The following NSL1 variants were observed in gnomAD, a reference collection of about 807,000 sequenced individuals.
The protein encoded by NSL1 is kinetochore-associated protein NSL1 homolog.
In NSL1, 11 loss-of-function variants were observed where a neutral mutation model predicts 25.4. The ratio of observed to expected loss-of-function variants is 0.43; its 90% CI spans 0.27 to 0.72. NSL1 has a LOEUF of 0.72. Ranked by LOEUF, NSL1 falls within the 30% of genes least tolerant of loss-of-function variation. The probability of loss-of-function intolerance (pLI) is 0.19; values close to 1 mark genes in which losing one functional copy is unlikely to be tolerated. For synonymous variants in NSL1, 118 were observed against 120.6 expected (o/e 0.98, Z 0.14); for missense variants, 330 against 342.7 (o/e 0.96, Z 0.29).
chr1:212,732,600 GTC>G lies in NSL1; in HGVS notation c.*5806_*5807del. 1.0e-6 allele frequency: 1 copy of G among 985,078 alleles called. No homozygotes were observed. Among genetic ancestry groups the G allele is most frequent in the East Asian group, 1.1e-4 (1 of 8,806 alleles). 61.0% of individuals were successfully genotyped at this position (985,078 alleles called of 1,614,324 possible). On this transcript the variant is annotated 3_prime_UTR_variant, in exon 6 of 6. Transcript: ENST00000366977. ...TGAGCCACCGCACCCGGCCTACATA[GTC>G]TTATTCCAACCTGGTCTGCCTAGTC...
At chr1:212,744,638 G>A (rs12125867) in intron 4 of NSL1, among the ~76,000 whole-genome samples, 34,530 of 151,938 alleles carry the variant, frequency 0.23, 4,648 homozygotes, top group African/African-American at 0.38. Flanking sequence ...GTGTGTCACC[G>A]AACAGAGAAT....
intron 4 of NSL1, among the ~76,000 whole-genome samples, chr1:212,769,804 A>C (rs930866123): frequency 1.3e-5 from 2 of 152,222 alleles, no homozygotes; most frequent in African/African-American, 4.8e-5. Context: ...TATATAAAAC[A>C]ACCAGAACTC....
Position 212,730,999 on chromosome 1 carries a change from G to A in NSL1, c.*7409C>T, listed in dbSNP as rs1657990100. ...CCATGGGCAAAGTATGAGCAATGTA[G>A]AGACACAGCAACGAATTACAAGGGA... is the stretch of plus-strand genomic sequence containing the variant. On this transcript the variant is annotated 3_prime_UTR_variant, in exon 6 of 6. Transcript: ENST00000366977. 12 of 985,286 alleles carry A rather than the reference G, an allele frequency of 1.2e-5. No individual in the cohort carries two copies. In the South Asian group the frequency reaches 4.2e-4, roughly 35 times the overall value. 61.0% of individuals were successfully genotyped at this position (985,286 alleles called of 1,614,324 possible). A position where few individuals can be genotyped will look rare whatever the true frequency, so the allele number is the denominator to read the frequency against.
At chr1:212,785,113 G>A (rs1660889443) in intron 2 of NSL1, among the ~76,000 whole-genome samples, 1 of 152,160 alleles carries the variant, frequency 6.6e-6, no homozygotes, top group Non-Finnish European at 1.5e-5. Context: ...GGGATGCTAA[G>A]AAGTTTTGAC....
chr1:212,737,176 C>T lies in NSL1; in HGVS notation c.*1232G>A. 2.0e-6 allele frequency: 2 copies of T among 985,306 alleles called. No individual in the cohort carries two copies. The highest frequency in any genetic ancestry group is 2.4e-6 in the Non-Finnish European group (2 of 829,808). 61.0% of individuals were successfully genotyped at this position (985,306 alleles called of 1,614,324 possible). On this transcript the variant is annotated 3_prime_UTR_variant, in exon 6 of 6. Coordinates refer to ENST00000366977, the MANE Select transcript of NSL1 (RefSeq NM_015471.4). ...CACAGCATCAAGATCAGTCTTTGTACATTATTTCAATGAAAAACACATAGC... is the reference window on the plus strand; with the variant it reads ...CACAGCATCAAGATCAGTCTTTGTATATTATTTCAATGAAAAACACATAGC...
rs947495035 is a variant in NSL1, at chr1:212,729,325, C to T, written c.*9083G>A. Reference sequence around the variant, plus strand: ...TGCTACTGATGGCTCCCCTAACTGACGGCAAATTGCTTGTGGGCAGGGTCT... The same window carrying T: ...TGCTACTGATGGCTCCCCTAACTGATGGCAAATTGCTTGTGGGCAGGGTCT... On this transcript the variant is annotated 3_prime_UTR_variant, in exon 6 of 6. Coordinates refer to ENST00000366977, the MANE Select transcript of NSL1 (RefSeq NM_015471.4). The T allele has an allele frequency of 5.5e-5, 54 of 983,638 alleles. No homozygotes were observed. The highest frequency in any genetic ancestry group is 1.2e-4 in the Admixed American group (2 of 16,258). 60.9% of individuals were successfully genotyped at this position (983,638 alleles called of 1,614,324 possible). A position where few individuals can be genotyped will look rare whatever the true frequency, so the allele number is the denominator to read the frequency against.
chr1:212,734,115 A>G lies in NSL1; in HGVS notation c.*4293T>C, dbSNP rs1264581647. Reference sequence around the variant, plus strand: ...CTGAACATTATTTAATAGCATTCCGATTTTCCAAAAAATGTATGATTTTCT... The same window carrying G: ...CTGAACATTATTTAATAGCATTCCGGTTTTCCAAAAAATGTATGATTTTCT... On this transcript the variant is annotated 3_prime_UTR_variant, in exon 6 of 6. Transcript: ENST00000366977. Among the ~76,000 whole-genome samples the G allele has an allele frequency of 6.6e-6, 1 of 152,084 alleles. No individual in the cohort carries two copies. The highest frequency in any genetic ancestry group is 6.5e-5 in the Admixed American group (1 of 15,276).
chr1:212,787,610 T>C lies in NSL1; in HGVS notation c.262A>G (p.Ile88Val). 6.2e-7 allele frequency: 1 copy of C among 1,607,512 alleles called. No homozygotes were observed. ...TGCCATGCTTGCCCATTAATGCTGATATTCTCTTGCACAGCTGATTCAAAA... is the reference window on the plus strand; with the variant it reads ...TGCCATGCTTGCCCATTAATGCTGACATTCTCTTGCACAGCTGATTCAAAA... ...WTFESAVQEN[I>V]SINGQAWQEA... Residue 88 changes from isoleucine to valine, a missense_variant, in exon 2 of 6, where the codon ATC becomes GTC. Transcript: ENST00000366977.
Position 212,726,756 on chromosome 1 carries a change from C to G in NSL1, c.*11652G>C, listed in dbSNP as rs546199589. 1 of 185,270 alleles carries G rather than the reference C, an allele frequency of 5.4e-6. No individual in the cohort carries two copies. Among genetic ancestry groups the G allele is most frequent in the African/African-American group, 2.3e-5 (1 of 42,814 alleles). 11.5% of individuals were successfully genotyped at this position (185,270 alleles called of 1,614,324 possible). On this transcript the variant is annotated 3_prime_UTR_variant, in exon 6 of 6. Transcript: ENST00000366977. ...CCTCAAATGCAGAGTGATTGGGTCA[C>G]TCTCCATGGTGTCCATGAGAGGCTG...
intron 3 of NSL1, 39 bp from the exon 4 acceptor site, chr1:212,782,465 A>T (rs764481426): frequency 7.5e-7 from 1 of 1,340,512 alleles, no homozygotes; most frequent in African/African-American, 1.4e-5. Flanking sequence ...TAATCACTTA[A>T]TGCTTCATAT....
chr1:212,727,968 C>T lies in NSL1; in HGVS notation c.*10440G>A, dbSNP rs1056693438. On this transcript the variant is annotated 3_prime_UTR_variant, in exon 6 of 6. Coordinates refer to ENST00000366977, the MANE Select transcript of NSL1 (RefSeq NM_015471.4). ...AGAGCGTCTGAGACTCTGGACAAGG[C>T]CTTTGCTGTGAACCACGGGGAGAAG... 1 of 985,266 alleles carries T rather than the reference C, an allele frequency of 1.0e-6. No homozygotes were observed. The highest frequency in any genetic ancestry group is 1.7e-5 in the African/African-American group (1 of 57,224). 61.0% of individuals were successfully genotyped at this position (985,266 alleles called of 1,614,324 possible).
intron 4 of NSL1, among the ~76,000 whole-genome samples, chr1:212,773,972 C>T (rs1660239012): frequency 1.3e-5 from 2 of 151,640 alleles, no homozygotes; most frequent in African/African-American, 4.8e-5. Context: ...TGTTCTCACT[C>T]ACATGTGAGA....
At chr1:212,753,551 C>T (rs1659163791) in intron 4 of NSL1, among the ~76,000 whole-genome samples, 1 of 152,130 alleles carries the variant, frequency 6.6e-6, no homozygotes, top group Non-Finnish European at 1.5e-5. Flanking sequence ...TCTTCTCCCA[C>T]TAAAATATAA....
chr1:212,731,846 C>T lies in NSL1; in HGVS notation c.*6562G>A. Reference sequence around the variant, plus strand: ...TGGCACAGAAGCCTCCTCACTATCCCTGCCACTCTGGCTGCTCCAGCTCCA... The same window carrying T: ...TGGCACAGAAGCCTCCTCACTATCCTTGCCACTCTGGCTGCTCCAGCTCCA... On this transcript the variant is annotated 3_prime_UTR_variant, in exon 6 of 6. Coordinates refer to ENST00000366977, the MANE Select transcript of NSL1 (RefSeq NM_015471.4). 1 of 985,394 alleles carries T rather than the reference C, an allele frequency of 1.0e-6. No homozygotes were observed. The highest frequency in any genetic ancestry group is 1.2e-6 in the Non-Finnish European group (1 of 829,926). 61.0% of individuals were successfully genotyped at this position (985,394 alleles called of 1,614,324 possible).
chr1:212,732,282 T>C lies in NSL1; in HGVS notation c.*6126A>G. On this transcript the variant is annotated 3_prime_UTR_variant, in exon 6 of 6. Coordinates refer to ENST00000366977, the MANE Select transcript of NSL1 (RefSeq NM_015471.4). ...ACTCGTGTTGTCACTTTTATTTTTT[T>C]CTGAAAATATCTCTTTTGGAGTCCT... The C allele has an allele frequency of 1.0e-6, 1 of 977,866 alleles. No individual in the cohort carries two copies. The highest frequency in any genetic ancestry group is 1.2e-6 in the Non-Finnish European group (1 of 823,318). 60.6% of individuals were successfully genotyped at this position (977,866 alleles called of 1,614,324 possible).
intron 4 of NSL1, among the ~76,000 whole-genome samples, chr1:212,780,329 A>G (rs942833510): frequency 4.0e-5 from 6 of 151,520 alleles, no homozygotes; most frequent in African/African-American, 1.2e-4. Flanking sequence ...AGTCATCACC[A>G]CTCCCTAATC....
At chr1:212,751,197 A>C (rs1385356417) in intron 4 of NSL1, among the ~76,000 whole-genome samples, 1 of 152,194 alleles carries the variant, frequency 6.6e-6, no homozygotes, top group African/African-American at 2.4e-5. Flanking sequence ...AAAAGGAAGA[A>C]GGGTACAAGG....
Position 212,727,438 on chromosome 1 carries a change from TA to T in NSL1, c.*10969del. ...TATACTCCTTGTAACAGACATTACC[TA>T]AATTTGGAAAAGTGACACAATTTCA... On this transcript the variant is annotated 3_prime_UTR_variant, in exon 6 of 6. Coordinates refer to ENST00000366977, the MANE Select transcript of NSL1 (RefSeq NM_015471.4). 1.0e-6 allele frequency: 1 copy of T among 985,434 alleles called. No individual in the cohort carries two copies. Among genetic ancestry groups the T allele is most frequent in the Non-Finnish European group, 1.2e-6 (1 of 829,944 alleles). The allele number at this position is 985,434 out of a possible 1,614,324, so 61.0% of individuals were successfully genotyped here.
Position 212,730,457 on chromosome 1 carries a change from CA to C in NSL1, c.*7950del, listed in dbSNP as rs1394494655. 1 of 985,090 alleles carries C rather than the reference CA, an allele frequency of 1.0e-6. No individual in the cohort carries two copies. The highest frequency in any genetic ancestry group is 1.1e-4 in the East Asian group (1 of 8,800). The allele number at this position is 985,090 out of a possible 1,614,324, so 61.0% of individuals were successfully genotyped here. A position where few individuals can be genotyped will look rare whatever the true frequency, so the allele number is the denominator to read the frequency against. On this transcript the variant is annotated 3_prime_UTR_variant, in exon 6 of 6. Transcript: ENST00000366977. ...TAAAATCTGCAACTAGGTATGAGCC[CA>C]AAGGCACTGGAGCCATTCTCTGAGT...
Sources: allele counts gnomAD v4.1 joint callset (sites outside exome capture counted in the v4.1 genomes callset), GRCh38; gene constraint gnomAD v4.1.1; transcripts MANE v1.5; gene names NCBI Gene and HGNC (gene_info 2026-07-23, HGNC 2026-07-21).